The following ZFP2 variants were observed in gnomAD, a reference collection of about 807,000 sequenced individuals.
The protein encoded by ZFP2 is ZFP2 zinc finger protein, also known as zinc finger protein ZFP2.
A neutral mutation model predicts 36.1 loss-of-function variants in ZFP2; 33 were observed. The observed-to-expected ratio is 0.92, with a 90% CI of 0.69 to 1.22. ZFP2 has a LOEUF of 1.22. ZFP2 is among the 50% of genes most tolerant of loss of function. The pLI is 0.00. For missense variants in ZFP2, 522 were observed against 551.4 expected (o/e 0.95, Z 0.53); for synonymous variants, 170 against 178.0 (o/e 0.96, Z 0.36).
At position 178,931,329 on chromosome 5, in the gene ZFP2, A is replaced by G. The variant is rs760828968; in HGVS notation, c.16A>G (p.Ile6Val). MEREGIWHSTLGETWE... is the reference protein window; with the variant it reads MEREGVWHSTLGETWE... The stretch of plus-strand genomic sequence containing the variant: ...TGGGGTAACAATGGAAAGGGAAGGT[A>G]TCTGGCATTCTACTCTAGGGGAAAC... The change falls in exon 5 of 5, where the codon ATC becomes GTC. Residue 6 changes from isoleucine (I) to valine (V), a missense_variant. Physicochemically the swap from Ile to Val is conservative, Grantham distance 29 (BLOSUM62 3). Transcript: ENST00000361362. 1 of 1,604,300 alleles carries G rather than the reference A, an allele frequency of 6.2e-7. No individual in the cohort carries two copies. The highest frequency in any genetic ancestry group is 1.7e-5 in the Admixed American group (1 of 58,324).
chr5:178,917,588 C>T (rs1457625566), intron 4 of ZFP2, among the ~76,000 whole-genome samples: 1 of 151,648 alleles, frequency 6.6e-6, no homozygotes, highest in Non-Finnish European at 1.5e-5. Flanking sequence ...GCACTCCAGC[C>T]TGGGCAACAG....
In ZFP2 at chr5:178,931,367, T is replaced by C; in HGVS notation, c.54T>C (p.Asn18=). Residue 18 remains asparagine (N), a synonymous_variant, in exon 5 of 5, where the codon AAT becomes AAC. Coordinates refer to ENST00000361362, the MANE Select transcript of ZFP2 (RefSeq NM_030613.4). ...HSTLGETWEP[N]NWLEGQQDSH... is the part of the protein sequence containing the mutation. ...CTCTAGGGGAAACCTGGGAACCTAATAATTGGTTAGAGGGACAACAGGATA... is the reference window on the plus strand; with the variant it reads ...CTCTAGGGGAAACCTGGGAACCTAACAATTGGTTAGAGGGACAACAGGATA... 6.2e-7 allele frequency: 1 copy of C among 1,613,618 alleles called. No homozygotes were observed. The highest frequency in any genetic ancestry group is 8.5e-7 in the Non-Finnish European group (1 of 1,179,864).
chr5:178,918,758 A>T (rs1456251558), intron 4 of ZFP2, among the ~76,000 whole-genome samples: 4 of 152,244 alleles, frequency 2.6e-5, no homozygotes, highest in Admixed American at 6.5e-5. Context: ...AATAGTAATG[A>T]TGGTAATGAT....
At chr5:178,916,977 A>AT (rs1202921602) in intron 4 of ZFP2, among the ~76,000 whole-genome samples, 8 of 152,056 alleles carry the variant, frequency 5.3e-5, no homozygotes, top group African/African-American at 1.9e-4. Context: ...GCATTGTTAG[A>AT]TTTTTGCTCC....
chr5:178,922,436 G>T, intron 4 of ZFP2: 1 of 1,369,322 alleles, frequency 7.3e-7, no homozygotes, highest in South Asian at 1.2e-5. Flanking sequence ...TTTTACTATT[G>T]TGCCTTACTT....
At chr5:178,898,246 A>G (rs1484848008) in intron 1 of ZFP2, among the ~76,000 whole-genome samples, 3 of 152,180 alleles carry the variant, frequency 2.0e-5, no homozygotes, top group African/African-American at 4.8e-5. Flanking sequence ...TTGGCCTCCC[A>G]AAGTGCTGGG....
At chr5:178,908,160 T>C (rs1200723186) in intron 1 of ZFP2, among the ~76,000 whole-genome samples, 1 of 152,044 alleles carries the variant, frequency 6.6e-6, no homozygotes, top group African/African-American at 2.4e-5. Context: ...TAAAAATAAT[T>C]ATTACTGGCT....
In ZFP2 at chr5:178,924,826, C is replaced by T. The variant is rs752301620; in HGVS notation, c.-77-6411C>T. On this transcript the variant is annotated intron_variant, in intron 4 of 4. Transcript: ENST00000361362. Reference sequence around the variant, plus strand: ...TTGCGCCATTGCACTACACCCTGGGCGACAAGAGCAAAACTCCATCTCAAA... The same window carrying T: ...TTGCGCCATTGCACTACACCCTGGGTGACAAGAGCAAAACTCCATCTCAAA... Among the ~76,000 whole-genome samples, 11 of 147,992 alleles carry T rather than the reference C, an allele frequency of 7.4e-5. 2 individuals are homozygous for T. The highest frequency in any genetic ancestry group is 1.4e-4 in the Admixed American group (2 of 14,706).
intron 4 of ZFP2, among the ~76,000 whole-genome samples, chr5:178,916,937 T>C (rs2113095582): frequency 6.6e-6 from 1 of 152,362 alleles, no homozygotes; most frequent in East Asian, 1.9e-4. Flanking sequence ...TCATTTCTTT[T>C]CTCTGTACTA....
rs1044126546 is a variant in ZFP2, at chr5:178,933,021, A to G, written c.*322A>G. 1.7e-5 allele frequency: 4 copies of G among 231,794 alleles called. No homozygotes were observed. The highest frequency in any genetic ancestry group is 9.3e-5 in the African/African-American group (4 of 43,056). The allele number at this position is 231,794 out of a possible 1,614,324, so 14.4% of individuals were successfully genotyped here. A position where few individuals can be genotyped will look rare whatever the true frequency, so the allele number is the denominator to read the frequency against. On this transcript the variant is annotated 3_prime_UTR_variant, in exon 5 of 5. Coordinates refer to ENST00000361362, the MANE Select transcript of ZFP2 (RefSeq NM_030613.4). The stretch of plus-strand genomic sequence containing the variant: ...ACTTTACACTGGAGAGAAAAATGTG[A>G]GAGTGTTTAACTGGACAGCCCAGAG...
intron 1 of ZFP2, among the ~76,000 whole-genome samples, chr5:178,901,625 A>C (rs1057465060): frequency 2.0e-5 from 3 of 152,220 alleles, no homozygotes; most frequent in Non-Finnish European, 4.4e-5. Flanking sequence ...TAAGGATACC[A>C]GTCATATTTG....
intron 1 of ZFP2, among the ~76,000 whole-genome samples, chr5:178,902,179 T>G (rs1758071486): frequency 6.6e-6 from 1 of 152,154 alleles, no homozygotes; most frequent in Non-Finnish European, 1.5e-5. Flanking sequence ...TCATCTAAAT[T>G]AACATTTTGC....
rs1182036196 is a variant in ZFP2, at chr5:178,925,132, C to T, written c.-77-6105C>T. Among the ~76,000 whole-genome samples the T allele has an allele frequency of 5.6e-4, 46 of 82,526 alleles. 1 individual carries two copies. Among genetic ancestry groups the T allele is most frequent in the South Asian group, 1.1e-3 (3 of 2,766 alleles). The allele number at this position is 82,526 out of a possible 152,430, so 54.1% of individuals were successfully genotyped here. A position where few individuals can be genotyped will look rare whatever the true frequency, so the allele number is the denominator to read the frequency against. On this transcript the variant is annotated intron_variant, in intron 4 of 4. Coordinates refer to ENST00000361362, the MANE Select transcript of ZFP2 (RefSeq NM_030613.4). ...TTATATATATATATATATATACACA[C>T]ACACACACACACACACACATATATA...
At chr5:178,926,379 G>A (rs78254162) in intron 4 of ZFP2, among the ~76,000 whole-genome samples, 12,832 of 152,238 alleles carry the variant, frequency 0.084, 682 homozygotes, top group Non-Finnish European at 0.12. Context: ...GTCTAATAGT[G>A]TAAATGGATT....
intron 4 of ZFP2, among the ~76,000 whole-genome samples, chr5:178,925,879 G>A (rs1269191503): frequency 1.3e-5 from 2 of 148,648 alleles, no homozygotes; most frequent in African/African-American, 2.4e-5. Context: ...ACAGGATCTT[G>A]CTCTGTCTCC....
At chr5:178,927,679 G>A (rs932645772) in intron 4 of ZFP2, among the ~76,000 whole-genome samples, 1 of 147,030 alleles carries the variant, frequency 6.8e-6, no homozygotes, top group East Asian at 2.1e-4. Context: ...GTGTGTGTGT[G>A]TGTGTGTGTG....
At chr5:178,907,362 A>G (rs1205500906) in intron 1 of ZFP2, among the ~76,000 whole-genome samples, 3 of 151,306 alleles carry the variant, frequency 2.0e-5, no homozygotes, top group Non-Finnish European at 4.4e-5. Flanking sequence ...TACATATTTT[A>G]TATATGTATA....
At chr5:178,927,501 G>T (rs372553252) in intron 4 of ZFP2, among the ~76,000 whole-genome samples, 1,496 of 145,332 alleles carry the variant, frequency 0.01, 18 homozygotes, top group African/African-American at 0.033. Flanking sequence ...TATTTTTGGG[G>T]TTTTTTTTTT....
intron 1 of ZFP2, among the ~76,000 whole-genome samples, chr5:178,910,963 T>C (rs377046018): frequency 2.0e-4 from 31 of 152,332 alleles, no homozygotes; most frequent in Middle Eastern, 6.8e-3. Context: ...TTGGTGTTTG[T>C]CACTATATGT....
Sources: gnomAD v4.1 joint callset for allele counts (sites outside exome capture counted in the v4.1 genomes callset) on GRCh38, gnomAD v4.1.1 for gene constraint, MANE v1.5 for transcripts, NCBI Gene and HGNC (gene_info 2026-07-23, HGNC 2026-07-21) for gene names.